Variants in PBX1 observed in about 807,000 individuals in gnomAD.
PBX1 encodes the protein pre-B-cell leukemia transcription factor 1.
In PBX1, 6 loss-of-function variants were observed where a neutral mutation model predicts 53.4. The observed-to-expected ratio is 0.11, with a 90% confidence interval of 0.06 to 0.22. The LOEUF is 0.22. PBX1 is among the 10% of genes least tolerant of loss of function. PBX1 has a pLI of 1.00. For missense variants in PBX1, 251 were observed against 551.4 expected, an observed-to-expected ratio of 0.46 and a Z score of 5.46; for synonymous variants, 204 against 212.3, an observed-to-expected ratio of 0.96 and a Z score of 0.34.
Position 164,849,226 on chromosome 1 carries a change from G to A in PBX1, c.*2550G>A. 3 of 1,495,366 alleles carry A rather than the reference G, an allele frequency of 2.0e-6. No individual in the cohort carries two copies. The South Asian group carries it at 4.0e-5, about 20-fold the overall frequency. 92.6% of individuals were successfully genotyped at this position (1,495,366 alleles called of 1,614,324 possible). A position where few individuals can be genotyped will look rare whatever the true frequency, so the allele number is the denominator to read the frequency against. ...CATGTTAAGTTAATGCAAAAGATCAGAACAGGGCTACATTTGCACAGGCAG... is the reference window on the plus strand; with the variant it reads ...CATGTTAAGTTAATGCAAAAGATCAAAACAGGGCTACATTTGCACAGGCAG... On this transcript the variant is annotated 3_prime_UTR_variant, in exon 9 of 9. Coordinates refer to ENST00000420696, the MANE Select transcript of PBX1 (RefSeq NM_002585.4).
intron 2 of PBX1, among the ~76,000 whole-genome samples, chr1:164,873,305 C>T (rs1358901595): frequency 6.6e-6 from 1 of 152,182 alleles, no homozygotes; most frequent in East Asian, 1.9e-4. Flanking sequence ...CTTCTCTTTG[C>T]TTGGCATGTT....
intron 2 of PBX1, among the ~76,000 whole-genome samples, chr1:164,633,145 C>CTTTCT (rs1026694465): frequency 2.0e-5 from 3 of 150,990 alleles, no homozygotes; most frequent in African/African-American, 7.3e-5. Context: ...TCTCTCCTCT[C>CTTTCT]TTTCTTTTCT....
At chr1:164,736,050 A>C (rs1446837767) in intron 2 of PBX1, among the ~76,000 whole-genome samples, 2 of 152,126 alleles carry the variant, frequency 1.3e-5, no homozygotes, top group African/African-American at 4.8e-5. Flanking sequence ...CCTGCAAGTC[A>C]AAACGTTGGG....
chr1:164,834,415 C>T (rs1265812139), intron 8 of PBX1, among the ~76,000 whole-genome samples: 2 of 150,724 alleles, frequency 1.3e-5, no homozygotes, highest in African/African-American at 2.4e-5. Context: ...ACAGTCTTGG[C>T]TCACTGCAAC....
intron 2 of PBX1, among the ~76,000 whole-genome samples, chr1:164,754,667 G>T (rs999233701): frequency 2.6e-5 from 4 of 152,176 alleles, no homozygotes; most frequent in Non-Finnish European, 4.4e-5. Flanking sequence ...GGGTGTGTGT[G>T]TACGTGCGTG....
At chr1:164,719,703 C>G (rs1213557646) in intron 2 of PBX1, among the ~76,000 whole-genome samples, 1 of 152,072 alleles carries the variant, frequency 6.6e-6, no homozygotes, top group Non-Finnish European at 1.5e-5. Context: ...TGAATATACC[C>G]ACATTGGCAC....
intron 3 of PBX1, among the ~76,000 whole-genome samples, chr1:164,799,257 G>A (rs555573309): frequency 1.8e-4 from 27 of 152,284 alleles, no homozygotes; most frequent in Non-Finnish European, 3.5e-4. Context: ...TTGGGAGGCC[G>A]AGGCGGGGGG....
intron 2 of PBX1, among the ~76,000 whole-genome samples, chr1:164,619,013 T>A (rs1657495266): frequency 6.6e-6 from 1 of 152,108 alleles, no homozygotes; most frequent in South Asian, 2.1e-4. Context: ...TCAAATGAAA[T>A]GGGGAGATAA....
intron 2 of PBX1, among the ~76,000 whole-genome samples, chr1:164,570,017 C>T (rs1416295429): frequency 6.6e-6 from 1 of 152,182 alleles, no homozygotes; most frequent in Admixed American, 6.5e-5. Flanking sequence ...ACAACAACCG[C>T]TTGAAAAGCT....
chr1:164,584,080 G>C (rs1233871323), intron 2 of PBX1, among the ~76,000 whole-genome samples: 3 of 152,140 alleles, frequency 2.0e-5, no homozygotes, highest in Admixed American at 1.3e-4. Flanking sequence ...ATATATATTT[G>C]ATGCCCAACA....
intron 8 of PBX1, among the ~76,000 whole-genome samples, chr1:164,839,766 G>A (rs1671205334): frequency 2.0e-5 from 3 of 152,120 alleles, no homozygotes. Flanking sequence ...TGACTGCATT[G>A]CACTGCTAAT....
intron 2 of PBX1, among the ~76,000 whole-genome samples, chr1:164,677,235 G>GGCGCCCGCCACC (rs1661485252): frequency 6.6e-6 from 1 of 151,656 alleles, no homozygotes; most frequent in South Asian, 2.1e-4. Context: ...TGGGACTACA[G>GGCGCCCGCCACC]GCGCCCGCCA....
chr1:164,785,445 G>T (rs1668126549), intron 2 of PBX1, among the ~76,000 whole-genome samples: 1 of 152,178 alleles, frequency 6.6e-6, no homozygotes, highest in Non-Finnish European at 1.5e-5. Context: ...ACTTGAGGAG[G>T]TTCCGGGCTG....
chr1:164,707,240 A>G (rs1298027938), intron 2 of PBX1, among the ~76,000 whole-genome samples: 1 of 152,236 alleles, frequency 6.6e-6, no homozygotes, highest in Non-Finnish European at 1.5e-5. Flanking sequence ...CCAAGGTTTT[A>G]ACGTGCCTTA....
chr1:164,749,829 A>T (rs1666099305), intron 2 of PBX1, among the ~76,000 whole-genome samples: 1 of 152,196 alleles, frequency 6.6e-6, no homozygotes, highest in African/African-American at 2.4e-5. Flanking sequence ...AGCATCTGAC[A>T]GATCAAGAGG....
At chr1:164,691,230 T>C (rs1662464976) in intron 2 of PBX1, among the ~76,000 whole-genome samples, 1 of 151,810 alleles carries the variant, frequency 6.6e-6, no homozygotes, top group African/African-American at 2.4e-5. Context: ...GGCCAACTGG[T>C]CTCGAACTCC....
At chr1:164,730,253 G>T (rs181106890) in intron 2 of PBX1, among the ~76,000 whole-genome samples, 1 of 152,224 alleles carries the variant, frequency 6.6e-6, no homozygotes, top group Non-Finnish European at 1.5e-5. Flanking sequence ...TGGCATTGTT[G>T]GGGAAAGAGA....
Position 164,571,873 on chromosome 1 carries a change from GTATATATATATATATA to G in PBX1, c.265+8590_265+8605del, listed in dbSNP as rs59338120. Among the ~76,000 whole-genome samples, 689 of 29,904 alleles carry G rather than the reference GTATATATATATATATA, an allele frequency of 0.023. 70 individuals carry two copies. The East Asian group carries it at 0.29, about 13-fold the overall frequency. The allele number at this position is 29,904 out of a possible 152,430, so 19.6% of individuals were successfully genotyped here. On this transcript the variant is annotated intron_variant, in intron 2 of 8. Transcript: ENST00000420696. Reference sequence around the variant, plus strand: ...TTTGATATACAAAAATCTGTACATTGTATATATATATATATATATATATATATATATATATATATAT... The same window carrying G: ...TTTGATATACAAAAATCTGTACATTGTATATATATATATATATATATATAT...
At chr1:164,714,300 G>A (rs913028030) in intron 2 of PBX1, among the ~76,000 whole-genome samples, 1 of 152,188 alleles carries the variant, frequency 6.6e-6, no homozygotes, top group African/African-American at 2.4e-5. Context: ...GCCTCTCATT[G>A]TCTATTAAAC....
Sources: gnomAD v4.1 joint callset for allele counts (sites outside exome capture counted in the v4.1 genomes callset) on GRCh38, gnomAD v4.1.1 for gene constraint, MANE v1.5 for transcripts, NCBI Gene and HGNC (gene_info 2026-07-23, HGNC 2026-07-21) for gene names.